Variants in HPGDS observed in about 807,000 individuals in gnomAD.
HPGDS encodes GST class-sigma.
A neutral mutation model predicts 23.1 loss-of-function variants in HPGDS; 26 were observed. The observed-to-expected ratio is 1.13, with a 90% CI of 0.83 to 1.56. HPGDS has a LOEUF of 1.56. HPGDS is among the 40% of genes most tolerant of loss of function. The pLI, the probability that HPGDS is intolerant of heterozygous loss-of-function variation, is 0.00. For missense variants in HPGDS, 268 were observed against 236.4 expected (o/e 1.13, Z -0.88); for synonymous variants, 95 against 77.9 (o/e 1.22, Z -1.16).
chr4:94,327,660 C>T (rs1756660504), intron 2 of HPGDS, among the ~76,000 whole-genome samples: 2 of 152,186 alleles, frequency 1.3e-5, no homozygotes, highest in Admixed American at 6.5e-5. Flanking sequence ...AGGCAGGCAG[C>T]TCTCAGACTC....
At chr4:94,313,333 A>G (rs1389123650) in intron 3 of HPGDS, among the ~76,000 whole-genome samples, 2 of 152,122 alleles carry the variant, frequency 1.3e-5, no homozygotes, top group African/African-American at 2.4e-5. Flanking sequence ...GGCAGGCCTA[A>G]TGGTGACAAA....
chr4:94,324,158 G>A (rs926500206), intron 2 of HPGDS, among the ~76,000 whole-genome samples: 1 of 152,148 alleles, frequency 6.6e-6, no homozygotes, highest in African/African-American at 2.4e-5. Context: ...TCCCTTTGTG[G>A]GTAACCTGAC....
intron 1 of HPGDS, among the ~76,000 whole-genome samples, chr4:94,338,750 G>A (rs578124155): frequency 2.1e-4 from 32 of 152,242 alleles, no homozygotes; most frequent in African/African-American, 6.7e-4. Context: ...ATTCAATAAT[G>A]TAAGACAACA....
At chr4:94,308,159 A>G (rs150961896) in intron 4 of HPGDS, among the ~76,000 whole-genome samples, 1 of 152,184 alleles carries the variant, frequency 6.6e-6, no homozygotes, top group Non-Finnish European at 1.5e-5. Flanking sequence ...GTAATTTTAT[A>G]CAGTATTTTC....
At chr4:94,303,576 T>C (rs1192273322) in intron 4 of HPGDS, among the ~76,000 whole-genome samples, 3 of 152,152 alleles carry the variant, frequency 2.0e-5, no homozygotes, top group African/African-American at 7.2e-5. Context: ...GGTCAGTATG[T>C]TCATAGTTTT....
chr4:94,332,567 C>T (rs2126045281), intron 2 of HPGDS, among the ~76,000 whole-genome samples: 1 of 152,344 alleles, frequency 6.6e-6, no homozygotes, highest in Admixed American at 6.5e-5. Flanking sequence ...GAGCTTGCTC[C>T]TGCCAGCGCC....
Position 94,299,634 on chromosome 4 carries a change from G to A in HPGDS, c.446C>T (p.Ala149Val). The A allele has an allele frequency of 1.2e-6, 2 of 1,613,592 alleles. No individual in the cohort carries two copies. The highest frequency in any genetic ancestry group is 1.7e-6 in the Non-Finnish European group (2 of 1,179,730). ...EWLIGNSVTW[A>V]DFYWEICSTT... ...ACTGCAAATCTCCCAGTAGAAGTCT[G>A]CCCAAGTTACCTAGTTTAAAGGAAA... is the stretch of plus-strand genomic sequence containing the variant. Residue 149 changes from alanine to valine, a missense_variant, in exon 6 of 6, where the codon GCA becomes GTA. By Grantham distance (64) the Ala-to-Val change is moderately conservative. Coordinates refer to ENST00000295256, the MANE Select transcript of HPGDS (RefSeq NM_014485.3).
intron 4 of HPGDS, among the ~76,000 whole-genome samples, chr4:94,303,241 G>A (rs899406513): frequency 6.6e-6 from 1 of 152,008 alleles, no homozygotes; most frequent in Admixed American, 6.6e-5. Context: ...CTTACATACA[G>A]GTTGAGCCTC....
At position 94,317,926 on chromosome 4, in the gene HPGDS, C is replaced by A; in HGVS notation, c.173G>T (p.Gly58Val). ...TGCTAGGCTCTGGTGAAGAGTAAGT[C>A]CATCAACTTCCAAAATGGGGATTTT... is the stretch of plus-strand genomic sequence containing the variant. ...FGKIPILEVD[G>V]LTLHQSLAIA... Residue 58 changes from glycine to valine, a missense_variant, in exon 3 of 6, where the codon GGA becomes GTA. Coordinates refer to ENST00000295256, the MANE Select transcript of HPGDS (RefSeq NM_014485.3). 1 of 1,611,640 alleles carries A rather than the reference C, an allele frequency of 6.2e-7. No homozygotes were observed. Among genetic ancestry groups the A allele is most frequent in the Non-Finnish European group, 8.5e-7 (1 of 1,178,780 alleles).
intron 1 of HPGDS, among the ~76,000 whole-genome samples, 170 bp downstream of exon 1, chr4:94,342,625 C>T (rs1053895131): frequency 1.3e-5 from 2 of 152,082 alleles, no homozygotes; most frequent in African/African-American, 2.4e-5. Flanking sequence ...TTCACATATT[C>T]GCATATATGG....
intron 4 of HPGDS, among the ~76,000 whole-genome samples, chr4:94,305,655 C>G (rs1756126142): frequency 1.3e-5 from 2 of 152,028 alleles, no homozygotes; most frequent in African/African-American, 4.8e-5. Context: ...GTATTATACC[C>G]AGTGGTTAAG....
chr4:94,312,711 A>G (rs4308340), intron 3 of HPGDS, among the ~76,000 whole-genome samples: 149,740 of 152,240 alleles, frequency 0.98, 73,662 homozygotes, highest in African/African-American at 0.99. Flanking sequence ...TTTCTGTCTC[A>G]TTGATCTGTC....
chr4:94,328,228 T>C (rs562477744), intron 2 of HPGDS, among the ~76,000 whole-genome samples: 1 of 152,354 alleles, frequency 6.6e-6, no homozygotes, highest in African/African-American at 2.4e-5. Flanking sequence ...CTCAGAGGTT[T>C]CCCATCACTT....
Position 94,328,867 on chromosome 4 carries a change from A to G in HPGDS, c.133+5630T>C, listed in dbSNP as rs76977135. Among the ~76,000 whole-genome samples, 236 of 152,334 alleles carry G rather than the reference A, an allele frequency of 1.5e-3. 1 individual carries two copies. The highest frequency in any genetic ancestry group is 2.2e-3 in the Admixed American group (34 of 15,304). On this transcript the variant is annotated intron_variant, in intron 2 of 5. Transcript: ENST00000295256. ...GTCACACTCTGATGACCCTCATACA[A>G]CTACTAGAATCAACTTTGTGTGTCT...
chr4:94,341,747 G>C (rs1721178586), intron 1 of HPGDS, among the ~76,000 whole-genome samples: 1 of 152,162 alleles, frequency 6.6e-6, no homozygotes, highest in Non-Finnish European at 1.5e-5. Context: ...AGTTTAAGAT[G>C]CAGATCTTAA....
At chr4:94,318,041 C>A (rs960505521) in intron 2 of HPGDS, 76 bp from the exon 3 acceptor site, 2 of 791,516 alleles carry the variant, frequency 2.5e-6, no homozygotes, top group Non-Finnish European at 4.2e-6. Context: ...TACTGATCAT[C>A]GTGAAAACAA....
chr4:94,309,113 ATTTATTTT>A (rs1424752361), intron 3 of HPGDS, among the ~76,000 whole-genome samples: 6 of 127,722 alleles, frequency 4.7e-5, no homozygotes, highest in African/African-American at 1.8e-4. Flanking sequence ...ATGCGCCACA[ATTTATTTT>A]TTTATTTTTT....
rs774155533 is a variant in HPGDS, at chr4:94,308,715, T to C, written c.255A>G (p.Gln85=). ...TDLAGNTEME[Q]CHVDAIVDTL... ...TGTCCACAATAGCATCAACATGACA[T>C]TGTTCCATTTCTGTGTTTCCAGCCA... The change falls in exon 4 of 6, where the codon CAA becomes CAG. Residue 85 remains glutamine (Q), a synonymous_variant. Transcript: ENST00000295256. The C allele has an allele frequency of 6.5e-5, 104 of 1,605,920 alleles. No individual in the cohort carries two copies. The South Asian group carries it at 1.1e-3, about 17-fold the overall frequency.
intron 1 of HPGDS, among the ~76,000 whole-genome samples, chr4:94,342,445 A>G (rs1721191620): frequency 6.6e-6 from 1 of 152,248 alleles, no homozygotes; most frequent in Non-Finnish European, 1.5e-5. Context: ...CTACTCCATC[A>G]ATCCAAGTTA....
Sources: allele counts gnomAD v4.1 joint callset (sites outside exome capture counted in the v4.1 genomes callset), GRCh38; gene constraint gnomAD v4.1.1; transcripts MANE v1.5; gene names NCBI Gene and HGNC (gene_info 2026-07-23, HGNC 2026-07-21).